The following SMIM14 variants were observed in gnomAD, a reference collection of about 807,000 sequenced individuals.
SMIM14 encodes chromosome 4 open reading frame 34.
In SMIM14, 5 loss-of-function variants were observed where a neutral mutation model predicts 12.6. That is an observed-to-expected ratio of 0.40 (90% CI 0.21 to 0.83). The LOEUF is 0.83. Ranked by LOEUF, SMIM14 falls within the 40% of genes least tolerant of loss-of-function variation. SMIM14 has a pLI of 0.37. For missense variants in SMIM14, 86 were observed against 119.1 expected (o/e 0.72, Z 1.29); for synonymous variants, 30 against 40.1 (o/e 0.75, Z 0.95).
chr4:39,566,356 G>A (rs956053161), intron 3 of SMIM14, among the ~76,000 whole-genome samples: 1 of 152,064 alleles, frequency 6.6e-6, no homozygotes, highest in African/African-American at 2.4e-5. Context: ...AGACATCCCA[G>A]TGGAAATGCC....
At chr4:39,559,253 G>A (rs1712170059) in intron 3 of SMIM14, among the ~76,000 whole-genome samples, 2 of 152,110 alleles carry the variant, frequency 1.3e-5, no homozygotes, top group Non-Finnish European at 1.5e-5. Context: ...GCTGGGTGGG[G>A]TGGCGTGAGC....
At chr4:39,616,794 T>C (rs957183806) in intron 1 of SMIM14, among the ~76,000 whole-genome samples, 4 of 152,144 alleles carry the variant, frequency 2.6e-5, no homozygotes, top group African/African-American at 7.2e-5. Context: ...TGCCAATCCC[T>C]GGTTTCCTCT....
intron 2 of SMIM14, 123 bp downstream of exon 2, chr4:39,604,948 T>C: frequency 1.5e-6 from 1 of 658,628 alleles, no homozygotes. Flanking sequence ...ATGTGGAATT[T>C]CAATTATGAA....
At chr4:39,630,723 A>G (rs1715867247) in intron 1 of SMIM14, among the ~76,000 whole-genome samples, 3 of 152,034 alleles carry the variant, frequency 2.0e-5, no homozygotes, top group Non-Finnish European at 4.4e-5. Context: ...TTAGCTGAGC[A>G]TGGTGGTGGG....
chr4:39,581,133 GA>G (rs1042551292), intron 2 of SMIM14, among the ~76,000 whole-genome samples: 3 of 151,800 alleles, frequency 2.0e-5, no homozygotes, highest in African/African-American at 7.3e-5. Context: ...GCTTAAGAAG[GA>G]AAAAAACCTT....
intron 1 of SMIM14, among the ~76,000 whole-genome samples, chr4:39,624,862 A>G (rs953489097): frequency 6.6e-6 from 1 of 151,462 alleles, no homozygotes; most frequent in East Asian, 1.9e-4. Context: ...GTAACGAAAT[A>G]CTTTTCTCTT....
At chr4:39,621,766 C>T (rs2110075135) in intron 1 of SMIM14, among the ~76,000 whole-genome samples, 1 of 143,258 alleles carries the variant, frequency 7.0e-6, no homozygotes, top group South Asian at 2.3e-4. Flanking sequence ...AATCATGACT[C>T]ACTGCATCCT....
At position 39,572,398 on chromosome 4, in the gene SMIM14, G is replaced by A. The variant is rs961900468; in HGVS notation, c.124+17C>T. 1 of 1,562,034 alleles carries A rather than the reference G, an allele frequency of 6.4e-7. No homozygotes were observed. The highest frequency in any genetic ancestry group is 1.4e-5 in the African/African-American group (1 of 70,534). ...TGCCCCCAATGCCATCCTTCCTCCTGTCTCAGTGGTACTTACATTCCTGAA... is the reference window on the plus strand; with the variant it reads ...TGCCCCCAATGCCATCCTTCCTCCTATCTCAGTGGTACTTACATTCCTGAA... On this transcript the variant is annotated intron_variant, in intron 3 of 4. Coordinates refer to ENST00000295958, the MANE Select transcript of SMIM14 (RefSeq NM_174921.3).
intron 1 of SMIM14, chr4:39,638,460 C>A (rs540004206): frequency 1.0e-6 from 1 of 985,432 alleles, no homozygotes; most frequent in Admixed American, 6.1e-5. Context: ...AAAATAAAAC[C>A]ACCCGTGGCT....
intron 1 of SMIM14, among the ~76,000 whole-genome samples, chr4:39,615,107 A>G (rs1419196139): frequency 3.3e-5 from 5 of 151,314 alleles, no homozygotes; most frequent in Admixed American, 3.3e-4. Context: ...TTTTTTTTTT[A>G]ATTTATTTAT....
chr4:39,601,033 A>G (rs148701748), intron 2 of SMIM14, among the ~76,000 whole-genome samples: 226 of 152,298 alleles, frequency 1.5e-3, no homozygotes, highest in African/African-American at 5.2e-3. Flanking sequence ...AAAATTTAAC[A>G]TAACAGATTT....
chr4:39,625,297 A>ATT (rs1715654411), intron 1 of SMIM14, among the ~76,000 whole-genome samples: 1 of 152,154 alleles, frequency 6.6e-6, no homozygotes, highest in African/African-American at 2.4e-5. Flanking sequence ...GTTTGCTAAA[A>ATT]ATTATTCTAA....
chr4:39,611,579 C>T (rs1212293265), intron 1 of SMIM14, among the ~76,000 whole-genome samples: 1 of 151,236 alleles, frequency 6.6e-6, no homozygotes, highest in African/African-American at 2.4e-5. Flanking sequence ...GAGGCTGACA[C>T]AGGAGAATCG....
chr4:39,590,265 T>C (rs1202946747), intron 2 of SMIM14, among the ~76,000 whole-genome samples: 13 of 151,322 alleles, frequency 8.6e-5, no homozygotes, highest in Non-Finnish European at 1.5e-5. Flanking sequence ...AATACAAAAT[T>C]AGCTGGGCGT....
chr4:39,620,452 C>T (rs2110073874), intron 1 of SMIM14, among the ~76,000 whole-genome samples: 1 of 152,128 alleles, frequency 6.6e-6, no homozygotes, highest in Middle Eastern at 3.4e-3. Flanking sequence ...TGCACTCCAT[C>T]CTGGGCGAGA....
At chr4:39,552,907 A>G (rs1347353723) in intron 4 of SMIM14, among the ~76,000 whole-genome samples, 1 of 152,044 alleles carries the variant, frequency 6.6e-6, no homozygotes. Flanking sequence ...ATGACGCCCG[A>G]GTTGGGGGTG....
At position 39,591,541 on chromosome 4, in the gene SMIM14, G is replaced by A. The variant is rs28480020; in HGVS notation, c.75+13530C>T. On this transcript the variant is annotated intron_variant, in intron 2 of 4. Transcript: ENST00000295958. ...CTGCAATCATATCAGTCTTGAACTT[G>A]AACACTGTTAGTTTATAATATGTAC... Among the ~76,000 whole-genome samples the A allele has an allele frequency of 4.6e-3, 694 of 152,134 alleles. 5 individuals are homozygous for A. The highest frequency in any genetic ancestry group is 0.016 in the African/African-American group (659 of 41,528).
chr4:39,600,589 C>G (rs1409782566), intron 2 of SMIM14, among the ~76,000 whole-genome samples: 1 of 152,176 alleles, frequency 6.6e-6, no homozygotes, highest in Admixed American at 6.5e-5. Context: ...ACTCAGGAGG[C>G]TGAGGCAGGA....
intron 1 of SMIM14, among the ~76,000 whole-genome samples, chr4:39,636,228 G>C (rs1716081651): frequency 6.8e-6 from 1 of 148,066 alleles, no homozygotes; most frequent in Non-Finnish European, 1.5e-5. Flanking sequence ...AAATCTTCCA[G>C]GACCTTACTG....
Sources: gnomAD v4.1 joint callset for allele counts (sites outside exome capture counted in the v4.1 genomes callset) on GRCh38, gnomAD v4.1.1 for gene constraint, MANE v1.5 for transcripts, NCBI Gene and HGNC (gene_info 2026-07-23, HGNC 2026-07-21) for gene names.